Variants in SNX25 observed in about 807,000 individuals in gnomAD.
The protein encoded by SNX25 is sorting nexin 25.
A neutral mutation model predicts 113.7 loss-of-function variants in SNX25; 62 were observed. The observed-to-expected ratio is 0.55, with a 90% CI of 0.44 to 0.67. The LOEUF (loss-of-function observed/expected upper bound fraction) is 0.67. Among genes scored for constraint, SNX25 ranks in the 30% least tolerant of loss-of-function variants. The pLI is 0.00. For missense variants in SNX25, 1,014 were observed against 1,161.0 expected, an observed-to-expected ratio of 0.87 and a Z score of 1.84; for synonymous variants, 421 against 436.2, an observed-to-expected ratio of 0.97 and a Z score of 0.43.
At chr4:185,321,297 C>G (rs1158956142) in intron 8 of SNX25, among the ~76,000 whole-genome samples, 1 of 143,112 alleles carries the variant, frequency 7.0e-6, no homozygotes, top group African/African-American at 2.6e-5. Flanking sequence ...GAGCCTTACT[C>G]TTTTACCCAG....
intron 1 of SNX25, among the ~76,000 whole-genome samples, chr4:185,217,613 A>C (rs1439223245): frequency 6.6e-6 from 1 of 152,150 alleles, no homozygotes; most frequent in Non-Finnish European, 1.5e-5. Context: ...GAAGCATACG[A>C]TGTCACATTG....
chr4:185,289,404 C>G (rs543169808), intron 6 of SNX25, among the ~76,000 whole-genome samples: 12 of 152,138 alleles, frequency 7.9e-5, no homozygotes, highest in Admixed American at 5.2e-4. Context: ...TGGGGAAGAC[C>G]TCACTCAGAT....
chr4:185,321,751 C>G (rs1400711346), intron 8 of SNX25, among the ~76,000 whole-genome samples: 1 of 152,098 alleles, frequency 6.6e-6, no homozygotes, highest in Non-Finnish European at 1.5e-5. Context: ...TCTGTAGATT[C>G]AACCAACCAT....
intron 7 of SNX25, among the ~76,000 whole-genome samples, chr4:185,313,516 C>T (rs1336202712): frequency 6.6e-6 from 1 of 151,972 alleles, no homozygotes; most frequent in Admixed American, 6.6e-5. Context: ...TGGAAAATTC[C>T]CAAATATTTG....
chr4:185,369,227 C>CTTT (rs35543353), intron 11 of SNX25, among the ~76,000 whole-genome samples: 38 of 100,898 alleles, frequency 3.8e-4, no homozygotes, highest in Non-Finnish European at 4.4e-4. Flanking sequence ...ATACAGAGAG[C>CTTT]TTTTTTTTTT....
chr4:185,208,177 C>T (rs1022736755), upstream of SNX25, among the ~76,000 whole-genome samples: 2 of 152,008 alleles, frequency 1.3e-5, no homozygotes, highest in African/African-American at 4.8e-5. Flanking sequence ...GGCGCGATGT[C>T]GGCTCACTGC....
At chr4:185,268,122 A>G (rs879127874) in intron 5 of SNX25, among the ~76,000 whole-genome samples, 3 of 152,208 alleles carry the variant, frequency 2.0e-5, no homozygotes, top group Admixed American at 1.3e-4. Context: ...TGAGGCTATA[A>G]TAGACTGAAA....
rs3756275 is a variant in SNX25, at chr4:185,346,597, A to G, written c.2248A>G (p.Ile750Val). 3.2e-4 allele frequency: 512 copies of G among 1,594,380 alleles called. 3 individuals are homozygous for G. The East Asian group carries it at 0.01, about 32-fold the overall frequency. Residue 750 changes from isoleucine (I) to valine (V), a missense_variant, in exon 13 of 19, where the codon ATA becomes GTA. Ile to Val is a conservative substitution (Grantham distance 29). Coordinates refer to ENST00000652585, the MANE Select transcript of SNX25 (RefSeq NM_001378034.2). ...TCTTAGCAAGCTGCCTTTCAAATCT[A>G]TAGATCAAAAGTTTATGGAAAAGTC... ...PSLSKLPFKSIDQKFMEKSKN... is the reference protein window; with the variant it reads ...PSLSKLPFKSVDQKFMEKSKN...
intron 13 of SNX25, among the ~76,000 whole-genome samples, chr4:185,349,197 A>G (rs182162561): frequency 2.7e-4 from 41 of 152,268 alleles, no homozygotes; most frequent in East Asian, 2.1e-3. Flanking sequence ...ATCACAAAAA[A>G]TTCTCATAAT....
At chr4:185,364,548 C>T (rs1056171655), downstream of SNX25, 4 of 152,108 alleles carry the variant, frequency 2.6e-5, no homozygotes, top group Admixed American at 6.6e-5. Flanking sequence ...AGTTTATATA[C>T]GTATGATATA....
At chr4:185,317,786 G>A (rs184478537) in intron 7 of SNX25, among the ~76,000 whole-genome samples, 55 of 152,254 alleles carry the variant, frequency 3.6e-4, no homozygotes, top group Non-Finnish European at 6.0e-4. Flanking sequence ...GGCCTGTCGG[G>A]GGGTGAGGGT....
chr4:185,270,742 G>T (rs1481078641), intron 5 of SNX25, among the ~76,000 whole-genome samples: 2 of 152,166 alleles, frequency 1.3e-5, no homozygotes, highest in African/African-American at 4.8e-5. Flanking sequence ...CTATGGATTT[G>T]CCTAGTCTGG....
chr4:185,367,298 T>C, downstream of SNX25: 1 of 1,474,484 alleles, frequency 6.8e-7, no homozygotes, highest in South Asian at 1.2e-5. Context: ...GTTTGGGTCT[T>C]TCTTCTTTTT....
At position 185,361,939 on chromosome 4, in the gene SNX25, A is replaced by T. The variant is rs763155893; in HGVS notation, c.2667A>T (p.Thr889=). The part of the protein sequence containing the change: ...GRTINKQIRD[T]VSWIFSEQML... Reference sequence around the variant, plus strand: ...CTCTTAAAAGACAAATCCGGGACACAGTCAGCTGGATTTTCAGTGAGCAAA... The same window carrying T: ...CTCTTAAAAGACAAATCCGGGACACTGTCAGCTGGATTTTCAGTGAGCAAA... Residue 889 remains threonine, a synonymous_variant, in exon 17 of 19, where the codon ACA becomes ACT. Transcript: ENST00000652585. 4.5e-5 allele frequency: 72 copies of T among 1,613,962 alleles called. No individual in the cohort carries two copies. In the East Asian group the frequency reaches 1.6e-3, roughly 35 times the overall value.
chr4:185,264,973 C>CGTGT (rs574928316), intron 4 of SNX25, among the ~76,000 whole-genome samples: 1 of 148,956 alleles, frequency 6.7e-6, no homozygotes, highest in South Asian at 2.1e-4. Flanking sequence ...TTATATATTA[C>CGTGT]GTGTGTGTGT....
At chr4:185,205,880 T>C (rs921481031), upstream of SNX25, among the ~76,000 whole-genome samples, 1 of 152,102 alleles carries the variant, frequency 6.6e-6, no homozygotes, top group East Asian at 1.9e-4. Flanking sequence ...AGGACTTGAG[T>C]AGATATTTCT....
intron 1 of SNX25, among the ~76,000 whole-genome samples, chr4:185,234,104 C>T (rs971414241): frequency 1.7e-4 from 26 of 152,046 alleles, no homozygotes; most frequent in African/African-American, 5.6e-4. Context: ...GTGATCTGCC[C>T]GCCTCAGCTT....
chr4:185,364,640 T>C (rs568550216), downstream of SNX25: 16 of 152,212 alleles, frequency 1.1e-4, no homozygotes, highest in Non-Finnish European at 1.9e-4. Flanking sequence ...AATGTTATCC[T>C]TAAGATTTTT....
intron 13 of SNX25, among the ~76,000 whole-genome samples, chr4:185,349,645 T>A (rs1480890190): frequency 6.6e-6 from 1 of 152,216 alleles, no homozygotes; most frequent in Non-Finnish European, 1.5e-5. Flanking sequence ...ATGAGGTTGA[T>A]CATTTTTTCA....
Sources: allele counts gnomAD v4.1 joint callset (sites outside exome capture counted in the v4.1 genomes callset), GRCh38; gene constraint gnomAD v4.1.1; transcripts MANE v1.5; gene names NCBI Gene and HGNC (gene_info 2026-07-23, HGNC 2026-07-21).